Variants in CCDC126 observed in about 807,000 individuals in gnomAD.
CCDC126 encodes coiled-coil domain-containing protein 126.
Under a neutral mutation model 11.7 loss-of-function variants are expected in CCDC126, and 5 were observed. The ratio of observed to expected loss-of-function variants is 0.43; its 90% confidence interval spans 0.22 to 0.90. The LOEUF (loss-of-function observed/expected upper bound fraction) is 0.90, where lower values mean the gene tolerates loss of function less well. Ranked by LOEUF, CCDC126 falls within the 40% of genes least tolerant of loss-of-function variation. The pLI is 0.27. For synonymous variants in CCDC126, 60 were observed against 61.9 expected (o/e 0.97, Z 0.14); for missense variants, 150 against 163.1 (o/e 0.92, Z 0.44).
intron 2 of CCDC126, among the ~76,000 whole-genome samples, chr7:23,600,827 G>T (rs1458874015): frequency 6.6e-6 from 1 of 152,170 alleles, no homozygotes; most frequent in Non-Finnish European, 1.5e-5. Context: ...ATACAAGGAA[G>T]TACTTCATGA....
rs1782436342 is a variant in CCDC126, at chr7:23,597,482, C to T, written c.-354C>T. Reference sequence around the variant, plus strand: ...CTCCCACCCACCGGCGTTTCTCCAGCTCGATCTGGAGGCTGCTTCGCCAGT... The same window carrying T: ...CTCCCACCCACCGGCGTTTCTCCAGTTCGATCTGGAGGCTGCTTCGCCAGT... On this transcript the variant is annotated 5_prime_UTR_variant, in exon 1 of 4. Coordinates refer to ENST00000307471, the MANE Select transcript of CCDC126 (RefSeq NM_138771.4). 6.6e-6 allele frequency: 1 copy of T among 152,300 alleles called. No homozygotes were observed. The allele number at this position is 152,300 out of a possible 1,614,324, so 9.4% of individuals were successfully genotyped here. A position where few individuals can be genotyped will look rare whatever the true frequency, so the allele number is the denominator to read the frequency against.
intron 3 of CCDC126, among the ~76,000 whole-genome samples, chr7:23,642,519 T>G (rs1783380325): frequency 6.6e-6 from 1 of 152,044 alleles, no homozygotes; most frequent in Non-Finnish European, 1.5e-5. Context: ...TCCTAGCACT[T>G]TGGGAGGCCG....
chr7:23,600,630 C>T (rs1254611428), intron 2 of CCDC126, among the ~76,000 whole-genome samples: 1 of 152,110 alleles, frequency 6.6e-6, no homozygotes, highest in Non-Finnish European at 1.5e-5. Flanking sequence ...GTACCTTTGG[C>T]TGAGTGAAAG....
At position 23,597,988 on chromosome 7, in the gene CCDC126, G is replaced by GAC. The variant is rs1782458299; in HGVS notation, c.-208_-207insCA. On this transcript the variant is annotated 5_prime_UTR_variant, in exon 2 of 4. Coordinates refer to ENST00000307471, the MANE Select transcript of CCDC126 (RefSeq NM_138771.4). Reference sequence around the variant, plus strand: ...ACAGCTCAGTTCTCTTCTACTTTGGGAGAGAGAGAAAGTCAGATGCCCCTT... The same window carrying GAC: ...ACAGCTCAGTTCTCTTCTACTTTGGGACAGAGAGAGAAAGTCAGATGCCCCTT... 6.6e-6 allele frequency: 1 copy of GAC among 152,292 alleles called. No homozygotes were observed. Among genetic ancestry groups the GAC allele is most frequent in the Non-Finnish European group, 1.5e-5 (1 of 68,102 alleles). 9.4% of individuals were successfully genotyped at this position (152,292 alleles called of 1,614,324 possible).
chr7:23,618,847 G>A (rs572433075), intron 3 of CCDC126, among the ~76,000 whole-genome samples: 3 of 152,146 alleles, frequency 2.0e-5, no homozygotes, highest in East Asian at 1.9e-4. Context: ...GAGCCACCGC[G>A]CTTGGCCTAA....
chr7:23,600,465 C>T (rs577317652), intron 2 of CCDC126, among the ~76,000 whole-genome samples: 70 of 145,948 alleles, frequency 4.8e-4, no homozygotes, highest in South Asian at 1.6e-3. Context: ...AATTACATTC[C>T]GGGGTCAAGT....
rs1783152662 is a variant in CCDC126 at position 23,633,619 on chromosome 7, T to A, written c.239-9312T>A. ...TGACTCATGCCTGTAATCCTAGCAC[T>A]TTGGGAGGCCAAGGAGGGAGGATCA... On this transcript the variant is annotated intron_variant, in intron 3 of 3. Transcript: ENST00000307471. Among the ~76,000 whole-genome samples, 9 of 152,288 alleles carry A rather than the reference T, an allele frequency of 5.9e-5. No homozygotes were observed. The South Asian group carries it at 1.9e-3, about 32-fold the overall frequency.
At position 23,643,931 on chromosome 7, in the gene CCDC126, C is replaced by T. The variant is rs1177955233; in HGVS notation, c.*816C>T. On this transcript the variant is annotated 3_prime_UTR_variant, in exon 4 of 4. Transcript: ENST00000307471. ...TGAATGTTCATTTAAAAGTTTAATC[C>T]TTTGAGTGTCTATGCTATCAGGAAA... 2 of 151,948 alleles carry T rather than the reference C, an allele frequency of 1.3e-5. No homozygotes were observed. The highest frequency in any genetic ancestry group is 1.9e-4 in the East Asian group (1 of 5,190). 9.4% of individuals were successfully genotyped at this position (151,948 alleles called of 1,614,324 possible). A position where few individuals can be genotyped will look rare whatever the true frequency, so the allele number is the denominator to read the frequency against.
At chr7:23,622,868 T>C (rs2128018526) in intron 3 of CCDC126, 1 of 394,190 alleles carries the variant, frequency 2.5e-6, no homozygotes, top group East Asian at 6.3e-5. Context: ...GCAACCAATG[T>C]TCTCTTGTTG....
At chr7:23,618,084 G>C (rs962872889) in intron 3 of CCDC126, among the ~76,000 whole-genome samples, 4 of 152,318 alleles carry the variant, frequency 2.6e-5, no homozygotes, top group East Asian at 3.9e-4. Context: ...AGTTTCTGTT[G>C]TCCTCTCTTC....
At chr7:23,617,415 G>T (rs1782814658) in intron 3 of CCDC126, among the ~76,000 whole-genome samples, 1 of 151,068 alleles carries the variant, frequency 6.6e-6, no homozygotes, top group African/African-American at 2.4e-5. Flanking sequence ...CATCTCTGAG[G>T]TTATCAATGG....
At chr7:23,610,141 C>T (rs953954113) in intron 2 of CCDC126, among the ~76,000 whole-genome samples, 1 of 152,142 alleles carries the variant, frequency 6.6e-6, no homozygotes, top group Admixed American at 6.6e-5. Context: ...TACATAAATG[C>T]ATACCTTTCT....
Position 23,597,425 on chromosome 7 carries a change from T to A in CCDC126, c.-411T>A. ...AGTGCGAGGGACGAGCGGAGTAAAA[T>A]CTCCACAAGCTGGGAACAAACCTCG... On this transcript the variant is annotated 5_prime_UTR_variant, in exon 1 of 4. Coordinates refer to ENST00000307471, the MANE Select transcript of CCDC126 (RefSeq NM_138771.4). 1 of 152,144 alleles carries A rather than the reference T, an allele frequency of 6.6e-6. No homozygotes were observed. Among genetic ancestry groups the A allele is most frequent in the Non-Finnish European group, 1.5e-5 (1 of 68,160 alleles). 9.4% of individuals were successfully genotyped at this position (152,144 alleles called of 1,614,324 possible).
intron 3 of CCDC126, among the ~76,000 whole-genome samples, chr7:23,640,949 A>T (rs1208612216): frequency 6.6e-6 from 1 of 150,652 alleles, no homozygotes; most frequent in Non-Finnish European, 1.5e-5. Context: ...ACCTGAAATG[A>T]ACATTGGTGT....
At chr7:23,634,504 A>C (rs909014542) in intron 3 of CCDC126, among the ~76,000 whole-genome samples, 2 of 152,244 alleles carry the variant, frequency 1.3e-5, no homozygotes, top group African/African-American at 2.4e-5. Context: ...GACATGTGAC[A>C]TAAGTAGGGG....
At chr7:23,628,228 C>T (rs13230595) in intron 3 of CCDC126, among the ~76,000 whole-genome samples, 25 of 151,864 alleles carry the variant, frequency 1.6e-4, no homozygotes, top group African/African-American at 5.1e-4. Flanking sequence ...CCAAATACAA[C>T]CAAAAGCCTT....
In CCDC126 at chr7:23,600,381, C is replaced by G. The variant is rs761450073; in HGVS notation, c.-146+2330C>G. Among the ~76,000 whole-genome samples, 482 of 142,964 alleles carry G rather than the reference C, an allele frequency of 3.4e-3. 18 individuals carry two copies. The highest frequency in any genetic ancestry group is 5.9e-3 in the Non-Finnish European group (380 of 64,412). 93.8% of individuals were successfully genotyped at this position (142,964 alleles called of 152,430 possible). A position where few individuals can be genotyped will look rare whatever the true frequency, so the allele number is the denominator to read the frequency against. On this transcript the variant is annotated intron_variant, in intron 2 of 3. Transcript: ENST00000307471. ...TGGCTGTGTTCTGTGTTAACCCCCC[C>G]CCCCCCACCACCATATTAGCCTCAG...
intron 2 of CCDC126, among the ~76,000 whole-genome samples, chr7:23,599,611 C>T (rs1782497748): frequency 6.6e-6 from 1 of 151,656 alleles, no homozygotes; most frequent in South Asian, 2.1e-4. Context: ...AATTCTTGTA[C>T]CTCATGCCTG....
chr7:23,610,652 T>C (rs1782695790), intron 2 of CCDC126, among the ~76,000 whole-genome samples: 2 of 152,220 alleles, frequency 1.3e-5, no homozygotes, highest in Admixed American at 6.5e-5. Context: ...AAGGTTACCT[T>C]ATGCCCATTA....
Sources: allele counts gnomAD v4.1 joint callset (sites outside exome capture counted in the v4.1 genomes callset), GRCh38; gene constraint gnomAD v4.1.1; transcripts MANE v1.5; gene names NCBI Gene and HGNC (gene_info 2026-07-23, HGNC 2026-07-21).